The following ZBTB17 variants were observed in gnomAD, a reference collection of about 807,000 sequenced individuals.
ZBTB17 encodes zinc finger and BTB domain containing 17, also known as zinc finger and BTB domain-containing protein 17.
Under a neutral mutation model 85.1 loss-of-function variants are expected in ZBTB17, and 24 were observed. The observed-to-expected ratio is 0.28, with a 90% CI of 0.20 to 0.40. The LOEUF (loss-of-function observed/expected upper bound fraction) is 0.40. Among genes scored for constraint, ZBTB17 ranks in the 10% least tolerant of loss-of-function variants. The pLI, the probability that ZBTB17 is intolerant of heterozygous loss-of-function variation, is 1.00. For synonymous variants in ZBTB17, 464 were observed against 460.2 expected, an observed-to-expected ratio of 1.01 and a Z score of -0.11; for missense variants, 743 against 1,105.1, an observed-to-expected ratio of 0.67 and a Z score of 4.65.
Position 15,944,955 on chromosome 1 carries a change from G to A in ZBTB17, c.909C>T (p.Ser303=). 1.9e-6 allele frequency: 3 copies of A among 1,578,958 alleles called. No individual in the cohort carries two copies. Among genetic ancestry groups the A allele is most frequent in the Middle Eastern group, 1.7e-4 (1 of 6,010 alleles). ...CCCTCACCTCGCACTTGTGGATGAC[G>A]GAGCCGTAGGCCTTGGACTCCGTGC... is the stretch of plus-strand genomic sequence containing the variant. ...GDRTESKAYG[S]VIHKCEDCGK... Residue 303 remains serine (S), a synonymous_variant, in exon 7 of 16, where the codon TCC becomes TCT. Transcript: ENST00000375743.
chr1:15,944,255 C>G (rs1051640044), intron 9 of ZBTB17, 45 bp downstream of exon 9: 1 of 1,546,454 alleles, frequency 6.5e-7, no homozygotes, highest in Admixed American at 2.0e-5. Flanking sequence ...GCGGCTGCGG[C>G]CACCGGCGGC....
At chr1:15,972,458 T>C (rs572282449) in intron 2 of ZBTB17, among the ~76,000 whole-genome samples, 7 of 152,324 alleles carry the variant, frequency 4.6e-5, no homozygotes, top group East Asian at 1.9e-4. Flanking sequence ...TCACAATCTG[T>C]TCTTTAGCTG....
chr1:15,975,566 C>T lies in ZBTB17; in HGVS notation c.-90+417G>A, dbSNP rs151023991. Among the ~76,000 whole-genome samples, 103 of 152,342 alleles carry T rather than the reference C, an allele frequency of 6.8e-4. 1 individual carries two copies. In the East Asian group the frequency reaches 0.02, roughly 29 times the overall value. On this transcript the variant is annotated intron_variant, in intron 1 of 15. Transcript: ENST00000375743. ...GTCAGCTCCTCCTAGGCCCGGGCAG[C>T]CCCGCTCCCTCCCGCCCCGGCCGGC...
Position 15,944,596 on chromosome 1 carries a change from G to A in ZBTB17, c.1075C>T (p.Leu359=). 1 of 1,599,516 alleles carries A rather than the reference G, an allele frequency of 6.3e-7. No homozygotes were observed. The highest frequency in any genetic ancestry group is 8.5e-7 in the Non-Finnish European group (1 of 1,179,530). ...CKAHEKTHSP[L]KPYGCEECGK... ...CACTCCTCGCAGCCGTAGGGCTTCA[G>A]AGGGCTGCAGGGCCAGAAGGCGACA... Residue 359 remains leucine (L), a synonymous_variant, in exon 9 of 16, where the codon CTG becomes TTG. Transcript: ENST00000375743.
rs569212966 is a variant in ZBTB17, at chr1:15,964,012, C to T, written c.-3+9027G>A. On this transcript the variant is annotated intron_variant, in intron 2 of 15. Coordinates refer to ENST00000375743, the MANE Select transcript of ZBTB17 (RefSeq NM_003443.3). This position sits in a 1 kb window ranked among gnomAD's most constrained non-coding sequence, Gnocchi z 4.3. ...GCGAGTGCCTGTGATCCCAGCTACT[C>T]GAGAAGCTGAGGCAGGAGGATTGCA... Among the ~76,000 whole-genome samples the T allele has an allele frequency of 1.3e-5, 2 of 151,252 alleles. No homozygotes were observed. The highest frequency in any genetic ancestry group is 2.1e-4 in the South Asian group (1 of 4,806).
chr1:15,956,697 A>G (rs1183854699), intron 2 of ZBTB17, among the ~76,000 whole-genome samples: 1 of 152,190 alleles, frequency 6.6e-6, no homozygotes, highest in Non-Finnish European at 1.5e-5. Context: ...ATAGAGAGAG[A>G]GGACTAATGA....
intron 2 of ZBTB17, chr1:15,969,994 T>C (rs2072586698): frequency 2.3e-6 from 2 of 857,500 alleles, no homozygotes; most frequent in South Asian, 1.4e-5. Context: ...CTACAAAATA[T>C]GTTCGATGGA....
At chr1:15,957,529 A>G (rs1453722631) in intron 2 of ZBTB17, among the ~76,000 whole-genome samples, 2 of 152,070 alleles carry the variant, frequency 1.3e-5, no homozygotes, top group Non-Finnish European at 2.9e-5. Context: ...CGGACTTTGG[A>G]TTTCTTCTAA....
chr1:15,958,284 C>A (rs2072121271), intron 2 of ZBTB17, among the ~76,000 whole-genome samples: 1 of 152,020 alleles, frequency 6.6e-6, no homozygotes, highest in Non-Finnish European at 1.5e-5. Context: ...CAAAAACAAA[C>A]CAGATGATCC....
rs1052387212 is a variant in ZBTB17, at chr1:15,951,218, C to T, written c.-2-2721G>A. Among the ~76,000 whole-genome samples the T allele has an allele frequency of 4.0e-5, 6 of 150,602 alleles. No homozygotes were observed. The Admixed American group carries it at 4.0e-4, about 10-fold the overall frequency. ...AGGCTGCCCCAGCAGAGAAACGCACCAAAAGGGAAGAAAACAGGAGAAATG... is the reference window on the plus strand; with the variant it reads ...AGGCTGCCCCAGCAGAGAAACGCACTAAAAGGGAAGAAAACAGGAGAAATG... On this transcript the variant is annotated intron_variant, in intron 2 of 15. Coordinates refer to ENST00000375743, the MANE Select transcript of ZBTB17 (RefSeq NM_003443.3). This position sits in a 1 kb window ranked among gnomAD's most constrained non-coding sequence, Gnocchi z 4.1.
At chr1:15,947,648 C>T (rs760889639) in intron 3 of ZBTB17, among the ~76,000 whole-genome samples, 2 of 152,196 alleles carry the variant, frequency 1.3e-5, no homozygotes, top group Non-Finnish European at 2.9e-5. Flanking sequence ...GCCCTCCACA[C>T]CCTCTTATTT....
intron 1 of ZBTB17, among the ~76,000 whole-genome samples, chr1:15,975,224 T>C (rs1157323817): frequency 6.6e-6 from 1 of 152,218 alleles, no homozygotes; most frequent in Admixed American, 6.5e-5. Context: ...TACCCATAAG[T>C]GTTCTAGGAG....
At chr1:15,965,470 A>G (rs1302123095) in intron 2 of ZBTB17, among the ~76,000 whole-genome samples, 1 of 152,216 alleles carries the variant, frequency 6.6e-6, no homozygotes, top group Non-Finnish European at 1.5e-5. Context: ...TGTTGAGAGG[A>G]TATGAGGCAA....
chr1:15,947,828 C>G (rs2071676586), intron 3 of ZBTB17, among the ~76,000 whole-genome samples: 1 of 152,230 alleles, frequency 6.6e-6, no homozygotes. Context: ...TCACGTCAGT[C>G]TGGGTTGGGA....
chr1:15,967,393 A>G (rs1393909043), intron 2 of ZBTB17, among the ~76,000 whole-genome samples: 1 of 150,324 alleles, frequency 6.7e-6, no homozygotes, highest in Non-Finnish European at 1.5e-5. Flanking sequence ...AAAGTGTTAT[A>G]TGAGGCTGGG....
rs1187666636 is a variant in ZBTB17 at position 15,953,382 on chromosome 1, G to A, written c.-2-4885C>T. On this transcript the variant is annotated intron_variant, in intron 2 of 15. Transcript: ENST00000375743. This position sits in a 1 kb window ranked among gnomAD's most constrained non-coding sequence, Gnocchi z 5.1. ...AGACTTGATCCAGTCATGGCACAGAGTGTGCTGGCCAAGGCTGGGTTGCTC... is the reference window on the plus strand; with the variant it reads ...AGACTTGATCCAGTCATGGCACAGAATGTGCTGGCCAAGGCTGGGTTGCTC... 6.6e-6 allele frequency among the ~76,000 whole-genome samples: 1 copy of A among 152,186 alleles called. No homozygotes were observed. Among genetic ancestry groups the A allele is most frequent in the Non-Finnish European group, 1.5e-5 (1 of 68,040 alleles).
chr1:15,947,168 G>A (rs1454888571), intron 3 of ZBTB17, 45 bp from the exon 4 acceptor site: 3 of 1,555,830 alleles, frequency 1.9e-6, no homozygotes, highest in South Asian at 2.3e-5. Context: ...TCAAGATCCG[G>A]CACCGGCAGC....
chr1:15,965,077 G>A (rs2072393712), intron 2 of ZBTB17, among the ~76,000 whole-genome samples: 1 of 150,204 alleles, frequency 6.7e-6, no homozygotes, highest in Non-Finnish European at 1.5e-5. Context: ...TCGCGCCACT[G>A]CACTCCAGCC....
At chr1:15,970,602 G>A (rs1261249481) in intron 2 of ZBTB17, among the ~76,000 whole-genome samples, 2 of 151,908 alleles carry the variant, frequency 1.3e-5, no homozygotes, top group Non-Finnish European at 2.9e-5. Context: ...AGGCTGGAGT[G>A]CAGTGGCGTG....
Sources: allele counts gnomAD v4.1 joint callset (sites outside exome capture counted in the v4.1 genomes callset), GRCh38; gene constraint gnomAD v4.1.1; non-coding constraint Gnocchi (gnomAD v3.1); transcripts MANE v1.5; gene names NCBI Gene and HGNC (gene_info 2026-07-23, HGNC 2026-07-21).